Variants in BCL9L observed in about 807,000 individuals in gnomAD.
BCL9L encodes the protein B-cell CLL/lymphoma 9-like protein.
In BCL9L, 19 loss-of-function variants were observed where a neutral mutation model predicts 99.4. The ratio of observed to expected loss-of-function variants is 0.19; its 90% CI spans 0.13 to 0.28. The LOEUF (loss-of-function observed/expected upper bound fraction) is 0.28, where lower values mean the gene tolerates loss of function less well. Ranked by LOEUF, BCL9L falls within the 10% of genes least tolerant of loss-of-function variation. BCL9L has a pLI of 1.00. For missense variants in BCL9L, 2,023 were observed against 2,101.6 expected (o/e 0.96, Z 0.73); for synonymous variants, 900 against 854.8 (o/e 1.05, Z -0.92).
intron 1 of BCL9L, among the ~76,000 whole-genome samples, chr11:118,920,383 C>A (rs985238980): frequency 6.6e-6 from 1 of 152,176 alleles, no homozygotes; most frequent in Non-Finnish European, 1.5e-5. Context: ...TTCCCACGAT[C>A]GATCAAGGCT....
At position 118,898,959 on chromosome 11, in the gene BCL9L, G is replaced by A. The variant is rs150852065; in HGVS notation, c.3956C>T (p.Thr1319Met). ...CGACAAGTCGAACTCGGGGATCCCC[G>A]TTGGGGTGGGCCGGATCACCTCGCT... ...ELSEVIRPTP[T>M]GIPEFDLSRI... Residue 1319 changes from threonine to methionine, a missense_variant, in exon 10 of 10, where the codon ACG (threonine) becomes ATG (methionine). Around this residue, in one of 3 missense-constraint regions of BCL9L, gnomAD observed 902 missense variants for 888.2 expected, o/e 1.02. Coordinates refer to ENST00000683865, the MANE Select transcript of BCL9L (RefSeq NM_001378213.1). 37 of 1,612,874 alleles carry A rather than the reference G, an allele frequency of 2.3e-5. No individual in the cohort carries two copies. The highest frequency in any genetic ancestry group is 2.9e-5 in the Non-Finnish European group (34 of 1,179,168).
In BCL9L at chr11:118,903,038, G is replaced by A. The variant is rs758442375; in HGVS notation, c.786C>T (p.Ser262=). 2 of 1,592,872 alleles carry A rather than the reference G, an allele frequency of 1.3e-6. No individual in the cohort carries two copies. The highest frequency in any genetic ancestry group is 2.3e-5 in the South Asian group (2 of 88,868). The change falls in exon 7 of 10, where the codon TCC becomes TCT. Residue 262 remains serine, a synonymous_variant. Transcript: ENST00000683865. This position sits in a 1 kb window ranked among gnomAD's most constrained non-coding sequence, Gnocchi z 5.6. ...CGTTCTGCTGGTGGTAGGCGAGGAT[G>A]GAGTCGGCCCGGCCCTGCAGCACTG... ...AEAVLQGRAD[S]ILAYHQQNVP... is the part of the protein sequence containing the mutation.
chr11:118,923,784 T>C (rs907376951), intron 1 of BCL9L, among the ~76,000 whole-genome samples: 1 of 152,210 alleles, frequency 6.6e-6, no homozygotes, highest in Non-Finnish European at 1.5e-5. Context: ...GGCCTGGCTC[T>C]CCAAGGCCAA....
rs778624929 is a variant in BCL9L, at chr11:118,900,193, G to A, written c.3130C>T (p.Leu1044Phe). 8.8e-6 allele frequency: 14 copies of A among 1,596,558 alleles called. No homozygotes were observed. The South Asian group carries it at 1.6e-4, about 18-fold the overall frequency. The change falls in exon 9 of 10, where the codon CTC (leucine) becomes TTC (phenylalanine). Residue 1044 changes from leucine (L) to phenylalanine (F), a missense_variant. Transcript: ENST00000683865. The surrounding 1 kb of genome is among the most constrained non-coding windows in gnomAD (Gnocchi z 5.3). ...CTGCTCCGGGGGCCGCTAGGCGGGA[G>A]GGTACCTACAGAAACGGGGAGACAA... ...TTLSNMEQGT[L>F]PPSGPRSSSS...
chr11:118,901,594 G>C lies in BCL9L; in HGVS notation c.2149C>G (p.Gln717Glu), dbSNP rs1400894466. 2 of 1,613,924 alleles carry C rather than the reference G, an allele frequency of 1.2e-6. No homozygotes were observed. The highest frequency in any genetic ancestry group is 1.7e-5 in the Admixed American group (1 of 60,014). Reference sequence around the variant, plus strand: ...CCGGGAAACATGGCAGGATCCATCTGTCGGTGCGCCTGCATCATCCGCTCC... The same window carrying C: ...CCGGGAAACATGGCAGGATCCATCTCTCGGTGCGCCTGCATCATCCGCTCC... ...EMERMMQAHRQMDPAMFPGQM... is the reference protein window; with the variant it reads ...EMERMMQAHREMDPAMFPGQM... Residue 717 changes from glutamine to glutamate, a missense_variant, in exon 8 of 10, where the codon CAG becomes GAG. Coordinates refer to ENST00000683865, the MANE Select transcript of BCL9L (RefSeq NM_001378213.1). The surrounding 1 kb of genome is among the most constrained non-coding windows in gnomAD (Gnocchi z 6.6).
chr11:118,898,294 G>GGCCCCCCCCCCCCCCCCCCCCCCCCCC lies in BCL9L; in HGVS notation c.*120_*121insGGGGGGGGGGGGGGGGGGGGGGGGGGC. The GGCCCCCCCCCCCCCCCCCCCCCCCCCC allele has an allele frequency of 8.8e-6, 4 of 452,310 alleles. No individual in the cohort carries two copies. Among genetic ancestry groups the GGCCCCCCCCCCCCCCCCCCCCCCCCCC allele is most frequent in the East Asian group, 8.6e-5 (2 of 23,130 alleles). The allele number at this position is 452,310 out of a possible 1,614,324, so 28.0% of individuals were successfully genotyped here. On this transcript the variant is annotated 3_prime_UTR_variant, in exon 10 of 10. Coordinates refer to ENST00000683865, the MANE Select transcript of BCL9L (RefSeq NM_001378213.1). ...TCCACAAATGCCACTCCCTACACAA[G>GGCCCCCCCCCCCCCCCCCCCCCCCCCC]CCCCCTCCCACCCCCTCCACCCCAC... is the stretch of plus-strand genomic sequence containing the variant.
At position 118,922,276 on chromosome 11, in the gene BCL9L, T is replaced by C. The variant is rs1275097167; in HGVS notation, c.-131+2962A>G. On this transcript the variant is annotated intron_variant, in intron 1 of 9. Transcript: ENST00000683865. This position sits in a 1 kb window ranked among gnomAD's most constrained non-coding sequence, Gnocchi z 6.2. Reference sequence around the variant, plus strand: ...TTCAGGGCCGCCGAGCCAAGTGACATGCACCAGCTCAGGAGCTGCAGTGCT... The same window carrying C: ...TTCAGGGCCGCCGAGCCAAGTGACACGCACCAGCTCAGGAGCTGCAGTGCT... Among the ~76,000 whole-genome samples, 6 of 152,200 alleles carry C rather than the reference T, an allele frequency of 3.9e-5. 1 individual carries two copies. The highest frequency in any genetic ancestry group is 2.0e-4 in the Admixed American group (3 of 15,286).
chr11:118,910,341 C>G (rs1429901525), intron 2 of BCL9L: 3 of 185,248 alleles, frequency 1.6e-5, no homozygotes, highest in African/African-American at 6.9e-5. Flanking sequence ...TGAGGGATTC[C>G]TGCTCCCAGA....
intron 9 of BCL9L, 80 bp from the exon 10 acceptor site, chr11:118,899,588 C>A: frequency 6.5e-7 from 1 of 1,536,544 alleles, no homozygotes. Context: ...TTCCCCACTC[C>A]CAAGCCAGGG....
In BCL9L at chr11:118,896,294, T is replaced by A. The variant is rs559739639; in HGVS notation, c.*2121A>T. 14 of 161,460 alleles carry A rather than the reference T, an allele frequency of 8.7e-5. No individual in the cohort carries two copies. In the South Asian group the frequency reaches 2.9e-3, roughly 34 times the overall value. 10.0% of individuals were successfully genotyped at this position (161,460 alleles called of 1,614,324 possible). A position where few individuals can be genotyped will look rare whatever the true frequency, so the allele number is the denominator to read the frequency against. ...GTATTTATATATTTATATTTATATATATATTTATATAATGGTACAAAATGG... is the reference window on the plus strand; with the variant it reads ...GTATTTATATATTTATATTTATATAAATATTTATATAATGGTACAAAATGG... On this transcript the variant is annotated 3_prime_UTR_variant, in exon 10 of 10. Coordinates refer to ENST00000683865, the MANE Select transcript of BCL9L (RefSeq NM_001378213.1).
In BCL9L at chr11:118,908,359, T is replaced by G; in HGVS notation, c.323A>C (p.Lys108Thr). ...QAGVPPFSSL[K>T]GKVKRDRSVS... ...ACTCCGGTCCCTCTTCACCTTGCCC[T>G]TGAGCGAGCTGAAAGGGGGCACCCC... is the stretch of plus-strand genomic sequence containing the variant. Residue 108 changes from lysine to threonine, a missense_variant, in exon 4 of 10, where the codon AAG (lysine) becomes ACG (threonine). Lys to Thr is a moderately conservative substitution (Grantham distance 78). Transcript: ENST00000683865. The G allele has an allele frequency of 1.2e-6, 2 of 1,613,422 alleles. No individual in the cohort carries two copies. Among genetic ancestry groups the G allele is most frequent in the Non-Finnish European group, 1.7e-6 (2 of 1,179,586 alleles).
intron 2 of BCL9L, among the ~76,000 whole-genome samples, chr11:118,918,480 A>C (rs1941039239): frequency 6.6e-6 from 1 of 151,936 alleles, no homozygotes; most frequent in African/African-American, 2.4e-5. Flanking sequence ...GATTGGGCGG[A>C]ATCTCCTTGC....
In BCL9L at chr11:118,901,458, T is replaced by C. The variant is rs140543345; in HGVS notation, c.2285A>G (p.Asp762Gly). 2.9e-5 allele frequency: 47 copies of C among 1,613,924 alleles called. No individual in the cohort carries two copies. Among genetic ancestry groups the C allele is most frequent in the Non-Finnish European group, 3.5e-5 (41 of 1,179,978 alleles). The change falls in exon 8 of 10, where the codon GAC becomes GGC. Residue 762 changes from aspartate (D) to glycine (G), a missense_variant. Asp to Gly is a moderately conservative substitution (Grantham distance 94). Transcript: ENST00000683865. This position sits in a 1 kb window ranked among gnomAD's most constrained non-coding sequence, Gnocchi z 6.6. Reference sequence around the variant, plus strand: ...GAGGTTGCCTGGCCCCATGGGTGGGTCCACCTCCCTCAGCCCAGACTGCCC... The same window carrying C: ...GAGGTTGCCTGGCCCCATGGGTGGGCCCACCTCCCTCAGCCCAGACTGCCC... ...PMGQSGLREV[D>G]PPMGPGNLNM...
intron 2 of BCL9L, among the ~76,000 whole-genome samples, chr11:118,916,162 C>G (rs1940956324): frequency 6.6e-6 from 1 of 152,204 alleles, no homozygotes; most frequent in Admixed American, 6.5e-5. Flanking sequence ...TCCCCCAGGC[C>G]CATGGATGGG....
Position 118,902,050 on chromosome 11 carries a change from G to C in BCL9L, c.1693C>G (p.His565Asp). 1.2e-6 allele frequency: 2 copies of C among 1,614,044 alleles called. No homozygotes were observed. Among genetic ancestry groups the C allele is most frequent in the African/African-American group, 1.3e-5 (1 of 75,060 alleles). ...GGCCACTGATCCCCAGGCTTGCTGT[G>C]GTAAGGAGGCGGGGGCCCCCTCACC... ...MMVRGPPPPY[H>D]SKPGDQWPPG... The change falls in exon 8 of 10, where the codon CAC (histidine) becomes GAC (aspartate). Residue 565 changes from histidine (H) to aspartate (D), a missense_variant. Around this residue, in one of 3 missense-constraint regions of BCL9L, gnomAD observed 1,116 missense variants for 1,194.6 expected, o/e 0.93. Coordinates refer to ENST00000683865, the MANE Select transcript of BCL9L (RefSeq NM_001378213.1). The surrounding 1 kb of genome is among the most constrained non-coding windows in gnomAD (Gnocchi z 7.8).
rs767165867 is a variant in BCL9L, at chr11:118,898,442, T to G, written c.4473A>C (p.Pro1491=). Residue 1491 remains proline (P), a synonymous_variant, in exon 10 of 10, where the codon CCA becomes CCC. Transcript: ENST00000683865. ...LDSQMGYLPA[P]GGMANLPF ...AGAAGGGCAGGTTGGCCATGCCGCC[T>G]GGTGCCGGGAGGTAGCCCATCTGGC... 6.2e-7 allele frequency: 1 copy of G among 1,605,784 alleles called. No homozygotes were observed. Among genetic ancestry groups the G allele is most frequent in the Non-Finnish European group, 8.5e-7 (1 of 1,174,210 alleles).
chr11:118,909,895 C>T lies in BCL9L; in HGVS notation c.26+19G>A, dbSNP rs779693967. The T allele has an allele frequency of 1.9e-6, 3 of 1,613,924 alleles. No homozygotes were observed. Among genetic ancestry groups the T allele is most frequent in the Non-Finnish European group, 2.5e-6 (3 of 1,179,968 alleles). On this transcript the variant is annotated intron_variant, in intron 3 of 9. Coordinates refer to ENST00000683865, the MANE Select transcript of BCL9L (RefSeq NM_001378213.1). ...GCACTCCACACACACACATCCCACC[C>T]GCCACGACACCCACACACCTTGTCT... is the stretch of plus-strand genomic sequence containing the variant.
intron 1 of BCL9L, among the ~76,000 whole-genome samples, chr11:118,923,058 A>G (rs1414399393): frequency 6.6e-6 from 1 of 151,860 alleles, no homozygotes; most frequent in Non-Finnish European, 1.5e-5. Context: ...GCTGGGTGAC[A>G]GTGGCTCTCG....
At chr11:118,911,778 T>C (rs1013330383) in intron 2 of BCL9L, among the ~76,000 whole-genome samples, 3 of 152,224 alleles carry the variant, frequency 2.0e-5, no homozygotes, top group Admixed American at 2.0e-4. Context: ...ACGCCAGCCA[T>C]GACTGCTCCT....
Sources: gnomAD v4.1 joint callset for allele counts (sites outside exome capture counted in the v4.1 genomes callset) on GRCh38, gnomAD v4.1.1 for gene constraint, gnomAD v4.1.1 regional missense constraint, Gnocchi (gnomAD v3.1) non-coding constraint, MANE v1.5 for transcripts, NCBI Gene and HGNC (gene_info 2026-07-23, HGNC 2026-07-21) for gene names.